The following GPATCH3 variants were observed in gnomAD, a reference collection of about 807,000 sequenced individuals.
GPATCH3 encodes the protein G patch domain-containing protein 3.
GPATCH3 carries 45 observed loss-of-function variants against 53.2 expected under a neutral mutation model. That is an observed-to-expected ratio of 0.85 (90% confidence interval 0.67 to 1.08). The LOEUF is 1.08. GPATCH3 is among the 50% of genes least tolerant of loss of function. GPATCH3 has a pLI of 0.00. For synonymous variants in GPATCH3, 280 were observed against 270.6 expected, an observed-to-expected ratio of 1.03 and a Z score of -0.34; for missense variants, 680 against 687.2, an observed-to-expected ratio of 0.99 and a Z score of 0.12.
At chr1:26,893,823 ATTTG>A (rs1260566026) in intron 3 of GPATCH3, among the ~76,000 whole-genome samples, 1 of 151,746 alleles carries the variant, frequency 6.6e-6, no homozygotes, top group Non-Finnish European at 1.5e-5. Flanking sequence ...CCAGCGGGGC[ATTTG>A]TTTGTTTTAG....
In GPATCH3 at chr1:26,900,034, G is replaced by C. The variant is rs879261101; in HGVS notation, c.409C>G (p.Arg137Gly). Residue 137 changes from arginine to glycine, a missense_variant, in exon 1 of 7, where the codon CGC (arginine) becomes GGC (glycine). Arg to Gly is a moderately radical substitution (Grantham distance 125). Coordinates refer to ENST00000361720, the MANE Select transcript of GPATCH3 (RefSeq NM_022078.3). ...LDSHGTWLPG[R>G]CLIRRLRLPT... ...AGCCGAAGTCTGCGGATGAGACAGCGACCCGGTAGCCAAGTCCCGTGAGAA... is the reference window on the plus strand; with the variant it reads ...AGCCGAAGTCTGCGGATGAGACAGCCACCCGGTAGCCAAGTCCCGTGAGAA... The C allele has an allele frequency of 9.9e-6, 16 of 1,614,024 alleles. No homozygotes were observed. The highest frequency in any genetic ancestry group is 1.4e-5 in the Non-Finnish European group (16 of 1,180,052).
chr1:26,893,399 G>GTACA lies in GPATCH3; in HGVS notation c.1097_1100dup (p.Tyr368ValfsTer3). 1 of 1,612,496 alleles carries GTACA rather than the reference G, an allele frequency of 6.2e-7. No homozygotes were observed. Among genetic ancestry groups the GTACA allele is most frequent in the South Asian group, 1.1e-5 (1 of 91,056 alleles). The stretch of plus-strand genomic sequence containing the variant: ...CTCCTTGCCCAGTACCTCTGTCATA[G>GTACA]TACACACTCATGTCCACATCCCAGT... On this transcript the variant is annotated frameshift_variant, in exon 4 of 7. Coordinates refer to ENST00000361720, the MANE Select transcript of GPATCH3 (RefSeq NM_022078.3). LOFTEE classifies it high-confidence loss of function.
At chr1:26,895,522 TAA>T (rs763002456) in intron 2 of GPATCH3, among the ~76,000 whole-genome samples, 4 of 84,440 alleles carry the variant, frequency 4.7e-5, no homozygotes, top group African/African-American at 4.6e-5. Context: ...AGAGCCTGCT[TAA>T]AAAAAAAAAA....
At chr1:26,891,552 T>C (rs2081925988) in intron 6 of GPATCH3, among the ~76,000 whole-genome samples, 1 of 152,092 alleles carries the variant, frequency 6.6e-6, no homozygotes, top group Non-Finnish European at 1.5e-5. Flanking sequence ...ACTTTATTTA[T>C]TTATTTATTT....
chr1:26,896,142 T>G (rs1005178877), intron 2 of GPATCH3, among the ~76,000 whole-genome samples: 1 of 152,118 alleles, frequency 6.6e-6, no homozygotes, highest in Non-Finnish European at 1.5e-5. Context: ...GAGATGACTG[T>G]TCAGCCACAT....
At position 26,890,957 on chromosome 1, in the gene GPATCH3, G is replaced by A; in HGVS notation, c.*53C>T. 6.6e-7 allele frequency: 1 copy of A among 1,509,382 alleles called. No individual in the cohort carries two copies. Among genetic ancestry groups the A allele is most frequent in the Admixed American group, 1.7e-5 (1 of 59,740 alleles). The allele number at this position is 1,509,382 out of a possible 1,614,324, so 93.5% of individuals were successfully genotyped here. ...CCTTTCTGCTTCAGTGGTAGATGAG[G>A]CCAGGGCAGAGGGTTTTCATCATGT... is the stretch of plus-strand genomic sequence containing the variant. On this transcript the variant is annotated 3_prime_UTR_variant, in exon 7 of 7. Transcript: ENST00000361720.
At chr1:26,895,828 C>A (rs2081948805) in intron 2 of GPATCH3, among the ~76,000 whole-genome samples, 1 of 152,094 alleles carries the variant, frequency 6.6e-6, no homozygotes, top group South Asian at 2.1e-4. Context: ...TGGGGTTTCA[C>A]CATGTTGGCC....
At chr1:26,896,627 G>T (rs543445124) in intron 2 of GPATCH3, among the ~76,000 whole-genome samples, 2 of 151,696 alleles carry the variant, frequency 1.3e-5, no homozygotes, top group African/African-American at 4.8e-5. Context: ...CTTAAACCCA[G>T]GAGGTGGAGG....
chr1:26,894,494 G>C, intron 2 of GPATCH3, 84 bp from the exon 3 acceptor site: 1 of 1,314,642 alleles, frequency 7.6e-7, no homozygotes, highest in East Asian at 2.3e-5. Flanking sequence ...GGAGGCATGT[G>C]TGGCTAGCCT....
rs763231664 is a variant in GPATCH3 at position 26,894,219 on chromosome 1, C to T, written c.1051+17G>A. The stretch of plus-strand genomic sequence containing the variant: ...CAGCAGGGGTCACCCCTGCCTTTGC[C>T]TGGGTACCAGCATTACCTCCTTCTT... On this transcript the variant is annotated intron_variant, in intron 3 of 6. Transcript: ENST00000361720. 2 of 1,611,872 alleles carry T rather than the reference C, an allele frequency of 1.2e-6. No homozygotes were observed. Among genetic ancestry groups the T allele is most frequent in the East Asian group, 2.2e-5 (1 of 44,874 alleles).
At chr1:26,897,757 C>A (rs781029907) in intron 1 of GPATCH3, 32 bp from the exon 2 acceptor site, 4 of 1,529,506 alleles carry the variant, frequency 2.6e-6, no homozygotes, top group Non-Finnish European at 3.5e-6. Flanking sequence ...ATCTTGAAAC[C>A]CAGAAGCCTC....
chr1:26,892,832 A>C, intron 4 of GPATCH3, 41 bp from the exon 5 acceptor site: 1 of 1,601,582 alleles, frequency 6.2e-7, no homozygotes, highest in Non-Finnish European at 8.5e-7. Context: ...GTCCCTCTCA[A>C]AGAAGGGGGA....
chr1:26,895,263 G>A (rs922647714), intron 2 of GPATCH3, among the ~76,000 whole-genome samples: 21 of 152,102 alleles, frequency 1.4e-4, no homozygotes, highest in Admixed American at 9.8e-4. Flanking sequence ...AGTGGCTCAC[G>A]CCTGTAATCC....
chr1:26,900,247 G>GGGC lies in GPATCH3; in HGVS notation c.193_195dup (p.Ala65dup). 6.2e-7 allele frequency: 1 copy of GGGC among 1,614,152 alleles called. No homozygotes were observed. Among genetic ancestry groups the GGGC allele is most frequent in the Non-Finnish European group, 8.5e-7 (1 of 1,180,050 alleles). On this transcript the variant is annotated inframe_insertion, in exon 1 of 7. Coordinates refer to ENST00000361720, the MANE Select transcript of GPATCH3 (RefSeq NM_022078.3). ...TCAGCGGCTGGGTCGGTAGGAATTAGGGCAGAGTTAGGAGCGGCCTGCGGA... is the reference window on the plus strand; with the variant it reads ...TCAGCGGCTGGGTCGGTAGGAATTAGGGCGGCAGAGTTAGGAGCGGCCTGCGGA...
chr1:26,893,420 C>G lies in GPATCH3; in HGVS notation c.1080G>C (p.Trp360Cys). 6.2e-7 allele frequency: 1 copy of G among 1,613,560 alleles called. No homozygotes were observed. The highest frequency in any genetic ancestry group is 8.5e-7 in the Non-Finnish European group (1 of 1,179,526). ...GDFDEQTADD[W>C]DVDMSVYYDR... ...CATAGTACACACTCATGTCCACATC[C>G]CAGTCATCGGCTGTCTGTTCATCAA... The change falls in exon 4 of 7, where the codon TGG becomes TGC. Residue 360 changes from tryptophan to cysteine, a missense_variant. Physicochemically the swap from Trp to Cys is radical, Grantham distance 215. Coordinates refer to ENST00000361720, the MANE Select transcript of GPATCH3 (RefSeq NM_022078.3).
chr1:26,895,287 G>A (rs2081945863), intron 2 of GPATCH3, among the ~76,000 whole-genome samples: 1 of 152,138 alleles, frequency 6.6e-6, no homozygotes, highest in Non-Finnish European at 1.5e-5. Flanking sequence ...CACTTTGGGA[G>A]GCCAAGGTGG....
At chr1:26,899,968 G>A (rs1570703371) in intron 1 of GPATCH3, 24 bp downstream of exon 1, 1 of 1,608,310 alleles carries the variant, frequency 6.2e-7, no homozygotes, top group South Asian at 1.1e-5. Context: ...CGTAGGCCCA[G>A]TCTATTAACT....
rs2081920343 is a variant in GPATCH3 at position 26,890,741 on chromosome 1, G to A, written c.*269C>T. On this transcript the variant is annotated 3_prime_UTR_variant, in exon 7 of 7. Coordinates refer to ENST00000361720, the MANE Select transcript of GPATCH3 (RefSeq NM_022078.3). The stretch of plus-strand genomic sequence containing the variant: ...ACTCAACCCAGCTTTTCAAAGTTCT[G>A]CAGGAGGCAAAGGGCAAGCCCAGAG... 2 of 661,160 alleles carry A rather than the reference G, an allele frequency of 3.0e-6. No individual in the cohort carries two copies. Among genetic ancestry groups the A allele is most frequent in the African/African-American group, 3.6e-5 (2 of 55,932 alleles). 41.0% of individuals were successfully genotyped at this position (661,160 alleles called of 1,614,324 possible).
chr1:26,897,380 GC>G lies in GPATCH3; in HGVS notation c.796del (p.Ala266GlnfsTer45), dbSNP rs763577914. 1 of 1,614,144 alleles carries G rather than the reference GC, an allele frequency of 6.2e-7. No individual in the cohort carries two copies. ...TCCACAGGGGCTGGCTGGTATATCT[GC>G]CAGGTAGGTTCCTTGGGGTATTTCT... ...GEEIPQGTYL[A>X]DIPASPCGEP... On this transcript the variant is annotated frameshift_variant, in exon 2 of 7. Transcript: ENST00000361720. LOFTEE classifies it high-confidence loss of function.
Sources: allele counts gnomAD v4.1 joint callset (sites outside exome capture counted in the v4.1 genomes callset), GRCh38; gene constraint gnomAD v4.1.1; transcripts MANE v1.5; gene names NCBI Gene and HGNC (gene_info 2026-07-23, HGNC 2026-07-21).